Variants in NUF2 observed in about 807,000 individuals in gnomAD.
NUF2 encodes NUF2 component of NDC80 kinetochore complex, also known as kinetochore protein Nuf2.
Under a neutral mutation model 61.8 loss-of-function variants are expected in NUF2, and 34 were observed. That is an observed-to-expected ratio of 0.55 (90% CI 0.42 to 0.73). NUF2 has a LOEUF of 0.73. Ranked by LOEUF, NUF2 falls within the 30% of genes least tolerant of loss-of-function variation. The pLI, the probability that NUF2 is intolerant of heterozygous loss-of-function variation, is 0.00. For missense variants in NUF2, 445 were observed against 539.1 expected (o/e 0.83, Z 1.73); for synonymous variants, 172 against 181.6 (o/e 0.95, Z 0.42).
At chr1:163,327,416 G>A in intron 2 of NUF2, 72 bp from the exon 3 acceptor site, 2 of 777,594 alleles carry the variant, frequency 2.6e-6, no homozygotes, top group East Asian at 2.5e-5. Context: ...TTATAATATT[G>A]TATGGTAATG....
At chr1:163,329,229 C>T (rs569740290) in intron 5 of NUF2, among the ~76,000 whole-genome samples, 49 of 152,038 alleles carry the variant, frequency 3.2e-4, no homozygotes, top group African/African-American at 1.2e-3. Flanking sequence ...CCAATTTTAT[C>T]AAATGTAAGA....
intron 5 of NUF2, among the ~76,000 whole-genome samples, chr1:163,330,854 G>A (rs1650571101): frequency 6.6e-6 from 1 of 151,490 alleles, no homozygotes; most frequent in Non-Finnish European, 1.5e-5. Context: ...TTTCTGATTA[G>A]TCATTGTTAG....
At chr1:163,347,191 A>C (rs1437343543) in intron 11 of NUF2, among the ~76,000 whole-genome samples, 1 of 152,236 alleles carries the variant, frequency 6.6e-6, no homozygotes, top group East Asian at 1.9e-4. Flanking sequence ...ATGAGAGCTA[A>C]GGGCGGTTTC....
At chr1:163,342,286 A>G (rs899925740) in intron 9 of NUF2, among the ~76,000 whole-genome samples, 10 of 152,024 alleles carry the variant, frequency 6.6e-5, no homozygotes, top group African/African-American at 2.4e-5. Flanking sequence ...CTATGGCTCA[A>G]TTTTATTGTT....
At position 163,343,818 on chromosome 1, in the gene NUF2, A is replaced by G; in HGVS notation, c.755A>G (p.Lys252Arg). 1 of 1,449,506 alleles carries G rather than the reference A, an allele frequency of 6.9e-7. No homozygotes were observed. The highest frequency in any genetic ancestry group is 9.1e-7 in the Non-Finnish European group (1 of 1,093,410). 89.8% of individuals were successfully genotyped at this position (1,449,506 alleles called of 1,614,324 possible). The change falls in exon 10 of 14, where the codon AAG (lysine) becomes AGG (arginine). Residue 252 changes from lysine (K) to arginine (R), a missense_variant. Physicochemically the swap from Lys to Arg is conservative, Grantham distance 26. Transcript: ENST00000271452. ...TKIVDSPEKL[K>R]NYKEKMKDTV... is the part of the protein sequence containing the mutation. Reference sequence around the variant, plus strand: ...ATTGTGGATTCTCCAGAGAAGTTAAAGAATTATAAAGAAAAAATGAAAGAT... The same window carrying G: ...ATTGTGGATTCTCCAGAGAAGTTAAGGAATTATAAAGAAAAAATGAAAGAT...
chr1:163,322,982 G>A (rs900049511), intron 1 of NUF2: 4 of 152,214 alleles, frequency 2.6e-5, no homozygotes, highest in African/African-American at 9.6e-5. Context: ...GTTCCAAAAG[G>A]AAATACTGGA....
chr1:163,327,626 G>T, intron 3 of NUF2, 64 bp downstream of exon 3: 1 of 1,055,190 alleles, frequency 9.5e-7, no homozygotes. Context: ...TTGTTTTGCT[G>T]CAGTTCTGCT....
intron 10 of NUF2, among the ~76,000 whole-genome samples, chr1:163,345,190 G>A (rs1651082287): frequency 1.3e-5 from 2 of 152,074 alleles, no homozygotes; most frequent in Non-Finnish European, 2.9e-5. Context: ...GGCTAGTGAG[G>A]ACAAGGGAAG....
intron 13 of NUF2, among the ~76,000 whole-genome samples, chr1:163,353,264 G>C (rs1437091182): frequency 6.6e-6 from 1 of 150,574 alleles, no homozygotes; most frequent in Admixed American, 6.6e-5. Flanking sequence ...TATATTGGTT[G>C]ACTAATTTAT....
chr1:163,340,323 T>G (rs1650897824), intron 8 of NUF2, 41 bp from the exon 9 acceptor site: 1 of 1,471,112 alleles, frequency 6.8e-7, no homozygotes, highest in Non-Finnish European at 9.4e-7. Context: ...TAAATCTAAA[T>G]GTTTTGAATC....
At chr1:163,329,025 A>C (rs1233255299) in intron 5 of NUF2, 118 bp downstream of exon 5, 1 of 506,478 alleles carries the variant, frequency 2.0e-6, no homozygotes, top group Non-Finnish European at 3.5e-6. Context: ...AATTGCCTTT[A>C]AAAAGTATAT....
chr1:163,342,109 C>T (rs1323548666), intron 9 of NUF2, among the ~76,000 whole-genome samples: 2 of 151,964 alleles, frequency 1.3e-5, no homozygotes, highest in South Asian at 2.1e-4. Context: ...CGGTCCTATT[C>T]GTCAGATTAT....
intron 7 of NUF2, 166 bp from the exon 8 acceptor site, chr1:163,339,215 G>C (rs1650858715): frequency 1.8e-6 from 1 of 553,318 alleles, no homozygotes; most frequent in African/African-American, 1.9e-5. Flanking sequence ...TTTTCTGCCT[G>C]TAGTAGAGGC....
At chr1:163,335,947 T>G (rs1423664997) in intron 5 of NUF2, among the ~76,000 whole-genome samples, 1 of 152,226 alleles carries the variant, frequency 6.6e-6, no homozygotes. Flanking sequence ...TTAAAAAATC[T>G]TTGCTTTTAT....
At chr1:163,327,216 C>G (rs949833569) in intron 2 of NUF2, among the ~76,000 whole-genome samples, 2 of 151,654 alleles carry the variant, frequency 1.3e-5, no homozygotes, top group African/African-American at 4.9e-5. Context: ...TCTTCTATTT[C>G]CTAAGGTGGA....
chr1:163,332,866 T>C (rs1159165177), intron 5 of NUF2, among the ~76,000 whole-genome samples: 1 of 152,038 alleles, frequency 6.6e-6, no homozygotes, highest in Non-Finnish European at 1.5e-5. Flanking sequence ...TTCCAAGGAG[T>C]AGGACCTGAA....
chr1:163,329,463 TG>T (rs1454855295), intron 5 of NUF2, among the ~76,000 whole-genome samples: 2 of 152,194 alleles, frequency 1.3e-5, no homozygotes, highest in Non-Finnish European at 2.9e-5. Flanking sequence ...GGGATTTAAT[TG>T]GCTCACAGTT....
At position 163,347,627 on chromosome 1, in the gene NUF2, G is replaced by A. The variant is rs112664060; in HGVS notation, c.949-136G>A. ...CTGGTTCATCTGCATTTTTCTGCCG[G>A]ACTTTCAGGTTTTAAAGAGTTTTGT... On this transcript the variant is annotated intron_variant, in intron 11 of 13. Transcript: ENST00000271452. 4.9e-3 allele frequency: 2,932 copies of A among 601,610 alleles called. 15 individuals are homozygous for A. The highest frequency in any genetic ancestry group is 6.6e-3 in the Non-Finnish European group (2,423 of 369,216). 37.3% of individuals were successfully genotyped at this position (601,610 alleles called of 1,614,324 possible).
intron 2 of NUF2, 35 bp from the exon 3 acceptor site, chr1:163,327,453 T>C (rs752889745): frequency 3.6e-6 from 4 of 1,097,904 alleles, no homozygotes; most frequent in African/African-American, 3.1e-5. Context: ...TTTAGAGTTA[T>C]GCATCGGAGT....
Sources: gnomAD v4.1 joint callset for allele counts (sites outside exome capture counted in the v4.1 genomes callset) on GRCh38, gnomAD v4.1.1 for gene constraint, MANE v1.5 for transcripts, NCBI Gene and HGNC (gene_info 2026-07-23, HGNC 2026-07-21) for gene names.